CNTN5: variants seen among roughly 807,000 people sequenced by gnomAD.
CNTN5 encodes contactin 5.
Under a neutral mutation model 129.1 loss-of-function variants are expected in CNTN5, and 77 were observed. The ratio of observed to expected loss-of-function variants is 0.60; its 90% confidence interval spans 0.50 to 0.72. The LOEUF (loss-of-function observed/expected upper bound fraction) is 0.72, where lower values mean the gene tolerates loss of function less well. Ranked by LOEUF, CNTN5 falls within the 30% of genes least tolerant of loss-of-function variation. The pLI, the probability that CNTN5 is intolerant of heterozygous loss-of-function variation, is 0.00. For missense variants in CNTN5, 1,478 were observed against 1,328.8 expected, an observed-to-expected ratio of 1.11 and a Z score of -1.75; for synonymous variants, 509 against 465.6, an observed-to-expected ratio of 1.09 and a Z score of -1.20.
intron 1 of CNTN5, among the ~76,000 whole-genome samples, chr11:99,105,628 G>T (rs1038837900): frequency 6.6e-6 from 1 of 152,110 alleles, no homozygotes; most frequent in Non-Finnish European, 1.5e-5. Context: ...AAAGACAAGA[G>T]CATCATTTTG....
chr11:99,743,881 T>G (rs2135173666), intron 3 of CNTN5, among the ~76,000 whole-genome samples: 1 of 152,282 alleles, frequency 6.6e-6, no homozygotes, highest in Admixed American at 6.5e-5. Flanking sequence ...ATTTAATTCT[T>G]CTCATCTTAT....
At chr11:100,162,372 G>T (rs1175952403) in intron 13 of CNTN5, among the ~76,000 whole-genome samples, 1 of 151,852 alleles carries the variant, frequency 6.6e-6, no homozygotes, top group African/African-American at 2.4e-5. Flanking sequence ...AACTAGCAAT[G>T]TTTTGTTAGC....
chr11:99,069,490 C>T (rs1043390984), intron 1 of CNTN5, among the ~76,000 whole-genome samples: 9 of 152,106 alleles, frequency 5.9e-5, no homozygotes, highest in African/African-American at 2.2e-4. Flanking sequence ...GTTTATGTCT[C>T]TCCCATGCTG....
intron 7 of CNTN5, among the ~76,000 whole-genome samples, chr11:99,948,229 G>A (rs918136762): frequency 6.6e-6 from 1 of 152,302 alleles, no homozygotes; most frequent in Admixed American, 6.5e-5. Flanking sequence ...AAATCTTAAT[G>A]TAAGTGGAGA....
Position 100,310,075 on chromosome 11 carries a change from T to C in CNTN5, c.2730+1607T>C, listed in dbSNP as rs182075530. 5.3e-5 allele frequency among the ~76,000 whole-genome samples: 8 copies of C among 152,042 alleles called. No homozygotes were observed. In the East Asian group the frequency reaches 1.6e-3, roughly 30 times the overall value. Reference sequence around the variant, plus strand: ...GCTCCCCATTCTGAGTTCCTCCCTTTTTAAACCTGTAAGCATCCTCACAGT... The same window carrying C: ...GCTCCCCATTCTGAGTTCCTCCCTTCTTAAACCTGTAAGCATCCTCACAGT... On this transcript the variant is annotated intron_variant, in intron 21 of 24. Coordinates refer to ENST00000524871, the MANE Select transcript of CNTN5 (RefSeq NM_014361.4).
At chr11:99,584,714 G>A (rs1231778149) in intron 3 of CNTN5, among the ~76,000 whole-genome samples, 1 of 152,240 alleles carries the variant, frequency 6.6e-6, no homozygotes, top group Non-Finnish European at 1.5e-5. Flanking sequence ...GCATGCAGAA[G>A]TACAGTGGCT....
chr11:100,005,069 G>A (rs1329617111), intron 9 of CNTN5, among the ~76,000 whole-genome samples: 1 of 152,018 alleles, frequency 6.6e-6, no homozygotes, highest in Non-Finnish European at 1.5e-5. Flanking sequence ...CCACTCTTAG[G>A]CTTTAATCCC....
intron 3 of CNTN5, among the ~76,000 whole-genome samples, chr11:99,725,809 T>C (rs983191700): frequency 2.0e-5 from 3 of 152,148 alleles, no homozygotes; most frequent in African/African-American, 7.2e-5. Flanking sequence ...AGTGGTAAAT[T>C]TGTACCAGCT....
chr11:99,422,382 A>T (rs1448709112), intron 2 of CNTN5, among the ~76,000 whole-genome samples: 1 of 151,598 alleles, frequency 6.6e-6, no homozygotes, highest in Non-Finnish European at 1.5e-5. Flanking sequence ...TAGTCTTTGC[A>T]TACACATTAT....
chr11:100,275,851 G>A (rs1423079778), intron 18 of CNTN5, among the ~76,000 whole-genome samples: 1 of 152,214 alleles, frequency 6.6e-6, no homozygotes, highest in Non-Finnish European at 1.5e-5. Flanking sequence ...CATAGGGTTA[G>A]AGCTACTAAT....
chr11:99,217,102 C>T (rs1004403948), intron 1 of CNTN5, among the ~76,000 whole-genome samples: 1 of 152,146 alleles, frequency 6.6e-6, no homozygotes, highest in African/African-American at 2.4e-5. Context: ...ATCACTTGAA[C>T]CTGGGAGGCA....
At chr11:99,184,891 C>T (rs1858261318) in intron 1 of CNTN5, among the ~76,000 whole-genome samples, 1 of 151,988 alleles carries the variant, frequency 6.6e-6, no homozygotes, top group East Asian at 1.9e-4. Context: ...TGATAAAAGA[C>T]TAGTCATTGG....
intron 8 of CNTN5, among the ~76,000 whole-genome samples, chr11:99,989,851 C>T (rs761167199): frequency 4.6e-5 from 7 of 152,196 alleles, no homozygotes; most frequent in Admixed American, 2.0e-4. Context: ...CTGCAACCTC[C>T]GCCTCCTGGG....
At chr11:99,929,497 G>A (rs947389852) in intron 7 of CNTN5, among the ~76,000 whole-genome samples, 1 of 152,154 alleles carries the variant, frequency 6.6e-6, no homozygotes, top group African/African-American at 2.4e-5. Context: ...AAGGAAAAAC[G>A]TTTAATTGGT....
chr11:99,361,250 C>T lies in CNTN5; in HGVS notation c.-71+35766C>T, dbSNP rs192565549. 5.5e-4 allele frequency among the ~76,000 whole-genome samples: 83 copies of T among 152,244 alleles called. No individual in the cohort carries two copies. The East Asian group carries it at 0.015, about 28-fold the overall frequency. The stretch of plus-strand genomic sequence containing the variant: ...TCTTCTGTACCCTCACCAGAAGCAC[C>T]TTTAATGCTCCATTCACTTTAAAAT... On this transcript the variant is annotated intron_variant, in intron 2 of 24. Coordinates refer to ENST00000524871, the MANE Select transcript of CNTN5 (RefSeq NM_014361.4).
At chr11:100,251,300 T>A (rs1949957808) in intron 16 of CNTN5, among the ~76,000 whole-genome samples, 1 of 152,150 alleles carries the variant, frequency 6.6e-6, no homozygotes, top group Non-Finnish European at 1.5e-5. Context: ...TTTTTTTAAT[T>A]CACAAATAAT....
chr11:99,073,380 TTTTTTTTTTTTTTTTTTTAC>T lies in CNTN5; in HGVS notation c.-210+52114_-210+52133del, dbSNP rs1565295008. On this transcript the variant is annotated intron_variant, in intron 1 of 24. Coordinates refer to ENST00000524871, the MANE Select transcript of CNTN5 (RefSeq NM_014361.4). The stretch of plus-strand genomic sequence containing the variant: ...TATGTCTCTTTATGGTTTGGTTTTT[TTTTTTTTTTTTTTTTTTTAC>T]TTTAAGTTCTAGGATACCTGTGCTG... Among the ~76,000 whole-genome samples the T allele has an allele frequency of 1.9e-3, 287 of 148,592 alleles. 1 individual carries two copies. The highest frequency in any genetic ancestry group is 6.7e-3 in the African/African-American group (274 of 40,712).
intron 13 of CNTN5, among the ~76,000 whole-genome samples, chr11:100,150,916 C>T (rs1233614278): frequency 6.6e-6 from 1 of 151,970 alleles, no homozygotes; most frequent in Non-Finnish European, 1.5e-5. Context: ...AGAATGTGGA[C>T]CCCATGAAGG....
At chr11:99,707,035 G>A (rs186291525) in intron 3 of CNTN5, among the ~76,000 whole-genome samples, 33 of 151,258 alleles carry the variant, frequency 2.2e-4, no homozygotes, top group East Asian at 7.8e-4. Flanking sequence ...CATATTTCAC[G>A]TTAATAGCCA....
Sources: gnomAD v4.1 joint callset for allele counts (sites outside exome capture counted in the v4.1 genomes callset) on GRCh38, gnomAD v4.1.1 for gene constraint, MANE v1.5 for transcripts, NCBI Gene and HGNC (gene_info 2026-07-23, HGNC 2026-07-21) for gene names.